METTL5: variants seen among roughly 807,000 people sequenced by gnomAD.
METTL5 encodes the protein rRNA N(6)-adenosine-methyltransferase METTL5.
METTL5 carries 28 observed loss-of-function variants against 26.5 expected under a neutral mutation model. The ratio of observed to expected loss-of-function variants is 1.06; its 90% CI spans 0.78 to 1.45. The LOEUF (loss-of-function observed/expected upper bound fraction) is 1.45, where lower values mean the gene tolerates loss of function less well. Ranked by LOEUF, METTL5 falls within the 40% of genes most tolerant of loss-of-function variation. METTL5 has a pLI of 0.00. For missense variants in METTL5, 231 were observed against 249.9 expected (o/e 0.92, Z 0.51); for synonymous variants, 86 against 82.6 (o/e 1.04, Z -0.22).
At chr2:169,816,982 A>T (rs2081518054) in intron 4 of METTL5, among the ~76,000 whole-genome samples, 1 of 152,220 alleles carries the variant, frequency 6.6e-6, no homozygotes, top group Non-Finnish European at 1.5e-5. Flanking sequence ...AAAAGAAACT[A>T]TCATGAAAGT....
Position 169,824,285 on chromosome 2 carries a change from A to T in METTL5, c.109+204T>A. On this transcript the variant is annotated intron_variant, in intron 1 of 6. Transcript: ENST00000260953. ...GGCAGTGTTAAGGGATATGCAGAAA[A>T]CTAGACAGTAAAATGATAGTGTGTA... The T allele has an allele frequency of 9.3e-6, 5 of 534,780 alleles. No homozygotes were observed. The South Asian group carries it at 1.2e-4, about 13-fold the overall frequency. 33.1% of individuals were successfully genotyped at this position (534,780 alleles called of 1,614,324 possible). A position where few individuals can be genotyped will look rare whatever the true frequency, so the allele number is the denominator to read the frequency against.
chr2:169,814,424 T>C (rs1253403989), intron 5 of METTL5, among the ~76,000 whole-genome samples: 1 of 115,358 alleles, frequency 8.7e-6, no homozygotes, highest in Non-Finnish European at 1.6e-5. Context: ...GAGGTGGAGG[T>C]TGCCACTGCA....
chr2:169,821,144 C>G lies in METTL5; in HGVS notation c.354G>C (p.Lys118Asn). 1 of 1,610,980 alleles carries G rather than the reference C, an allele frequency of 6.2e-7. No homozygotes were observed. The highest frequency in any genetic ancestry group is 8.5e-7 in the Non-Finnish European group (1 of 1,179,066). ...GATTCATAATTACTGTATCGAATGA[C>G]TTGGACATTCTGTTAGATAATAAGC... Reference protein sequence around the residue: ...DVCLLSNRMSKSFDTVIMNPP... With the variant: ...DVCLLSNRMSNSFDTVIMNPP... The change falls in exon 3 of 7, where the codon AAG becomes AAC. Residue 118 changes from lysine (K) to asparagine (N), a missense_variant. Coordinates refer to ENST00000260953, the MANE Select transcript of METTL5 (RefSeq NM_014168.4).
chr2:169,815,573 G>A, intron 4 of METTL5, 45 bp from the exon 5 acceptor site: 1 of 1,440,890 alleles, frequency 6.9e-7, no homozygotes, highest in Admixed American at 2.2e-5. Context: ...TTTAAATAAT[G>A]ATTTTTTAAA....
rs370462850 is a variant in METTL5 at position 169,812,039 on chromosome 2, T to G, written c.592-181A>C. 327 of 696,524 alleles carry G rather than the reference T, an allele frequency of 4.7e-4. 3 individuals are homozygous for G. In the South Asian group the frequency reaches 6.6e-3, roughly 14 times the overall value. 43.1% of individuals were successfully genotyped at this position (696,524 alleles called of 1,614,324 possible). A position where few individuals can be genotyped will look rare whatever the true frequency, so the allele number is the denominator to read the frequency against. On this transcript the variant is annotated intron_variant, in intron 6 of 6. Coordinates refer to ENST00000260953, the MANE Select transcript of METTL5 (RefSeq NM_014168.4). Reference sequence around the variant, plus strand: ...TATTAGTACAAACTAACTAATAAAATATATACTATATGAAAAGAGCAAAAA... The same window carrying G: ...TATTAGTACAAACTAACTAATAAAAGATATACTATATGAAAAGAGCAAAAA...
At chr2:169,821,327 ACAAAAC>A (rs1399263572) in intron 2 of METTL5, 54 bp from the exon 3 acceptor site, 2 of 1,350,050 alleles carry the variant, frequency 1.5e-6, no homozygotes, top group Admixed American at 5.5e-5. Flanking sequence ...CCAAGTAAAA[ACAAAAC>A]CAAAATTAGC....
At chr2:169,815,426 G>C (rs978139931) in intron 5 of METTL5, 51 bp downstream of exon 5, 5 of 1,380,936 alleles carry the variant, frequency 3.6e-6, no homozygotes, top group Non-Finnish European at 5.1e-6. Context: ...AATTTTGGTT[G>C]GGCGAATACA....
At position 169,824,717 on chromosome 2, in the gene METTL5, C is replaced by G; in HGVS notation, c.-120G>C. ...TTCTCCCTTTTTCAGCACCGCTGGC[C>G]GGACCCGAAGACGCGCCCTAAGGAG... On this transcript the variant is annotated 5_prime_UTR_variant, in exon 1 of 7. Coordinates refer to ENST00000260953, the MANE Select transcript of METTL5 (RefSeq NM_014168.4). 1 of 820,992 alleles carries G rather than the reference C, an allele frequency of 1.2e-6. No homozygotes were observed. Among genetic ancestry groups the G allele is most frequent in the Non-Finnish European group, 2.0e-6 (1 of 498,322 alleles). The allele number at this position is 820,992 out of a possible 1,614,324, so 50.9% of individuals were successfully genotyped here.
intron 6 of METTL5, 64 bp downstream of exon 6, chr2:169,812,393 A>G (rs1431962883): frequency 1.2e-6 from 2 of 1,612,858 alleles, no homozygotes; most frequent in Admixed American, 3.3e-5. Flanking sequence ...GGCATGAACC[A>G]CCACATCCGG....
At position 169,824,341 on chromosome 2, in the gene METTL5, T is replaced by A. The variant is rs1266422521; in HGVS notation, c.109+148A>T. 4.7e-6 allele frequency: 3 copies of A among 638,064 alleles called. No individual in the cohort carries two copies. In the East Asian group the frequency reaches 7.9e-5, roughly 17 times the overall value. 39.5% of individuals were successfully genotyped at this position (638,064 alleles called of 1,614,324 possible). On this transcript the variant is annotated intron_variant, in intron 1 of 6. Coordinates refer to ENST00000260953, the MANE Select transcript of METTL5 (RefSeq NM_014168.4). ...GTGGAGGGTGTGCCTTGAGCTGCAGTGTCAAGGAAGGCCTCTCTAACGCGA... is the reference window on the plus strand; with the variant it reads ...GTGGAGGGTGTGCCTTGAGCTGCAGAGTCAAGGAAGGCCTCTCTAACGCGA...
chr2:169,824,287 T>C (rs936401250), intron 1 of METTL5: 1 of 535,890 alleles, frequency 1.9e-6, no homozygotes, highest in South Asian at 2.4e-5. Flanking sequence ...TGCAGAAAAC[T>C]AGACAGTAAA....
chr2:169,815,631 C>T, intron 4 of METTL5, 103 bp from the exon 5 acceptor site: 3 of 780,534 alleles, frequency 3.8e-6, no homozygotes, highest in Non-Finnish European at 6.0e-6. Context: ...CTTAAAATTT[C>T]ATTAGAATCT....
At chr2:169,812,609 T>C in intron 5 of METTL5, 103 bp from the exon 6 acceptor site, 1 of 1,290,346 alleles carries the variant, frequency 7.7e-7, no homozygotes, top group Admixed American at 2.2e-5. Flanking sequence ...TGTTAAGTGC[T>C]GGTAAGCTGA....
In METTL5 at chr2:169,814,527, A is replaced by G. The variant is rs188513300; in HGVS notation, c.541+950T>C. ...GATTATCTAGGAATAATGTGGTGGC[A>G]TTTTCTATGAATGAATTTCAAACCA... On this transcript the variant is annotated intron_variant, in intron 5 of 6. Transcript: ENST00000260953. Among the ~76,000 whole-genome samples, 362 of 150,224 alleles carry G rather than the reference A, an allele frequency of 2.4e-3. 2 individuals are homozygous for G. The highest frequency in any genetic ancestry group is 8.4e-3 in the African/African-American group (343 of 40,978).
chr2:169,815,911 A>G (rs999526206), intron 4 of METTL5, among the ~76,000 whole-genome samples: 1 of 152,200 alleles, frequency 6.6e-6, no homozygotes, highest in Admixed American at 6.5e-5. Flanking sequence ...TGGTGTTTAT[A>G]TATGTTTAGA....
intron 1 of METTL5, among the ~76,000 whole-genome samples, chr2:169,822,954 G>A (rs1050533869): frequency 6.6e-6 from 1 of 152,156 alleles, no homozygotes; most frequent in African/African-American, 2.4e-5. Context: ...AGCAAGGACT[G>A]TTGGCCACTG....
At chr2:169,815,713 A>T (rs2081496728) in intron 4 of METTL5, among the ~76,000 whole-genome samples, 185 bp from the exon 5 acceptor site, 1 of 152,222 alleles carries the variant, frequency 6.6e-6, no homozygotes, top group African/African-American at 2.4e-5. Context: ...TACATTTAAC[A>T]ATCTGAACCA....
chr2:169,822,921 T>C (rs916492273), intron 1 of METTL5, among the ~76,000 whole-genome samples: 1 of 152,174 alleles, frequency 6.6e-6, no homozygotes, highest in Non-Finnish European at 1.5e-5. Context: ...ACCACCGATA[T>C]TTCCCTGAAG....
chr2:169,819,636 A>C lies in METTL5; in HGVS notation c.414T>G (p.Asp138Glu), dbSNP rs762714345. 5 of 1,611,962 alleles carry C rather than the reference A, an allele frequency of 3.1e-6. No homozygotes were observed. The African/African-American group carries it at 6.7e-5, about 22-fold the overall frequency. ...PFGTKNNKGT[D>E]MAFLKTALEM... ...CCAAAGCAGTCTTTAGAAAAGCCATATCTGTCCCTGTGAAGAGTAGAAAAA... is the reference window on the plus strand; with the variant it reads ...CCAAAGCAGTCTTTAGAAAAGCCATCTCTGTCCCTGTGAAGAGTAGAAAAA... Residue 138 changes from aspartate to glutamate, a missense_variant, in exon 4 of 7, where the codon GAT (aspartate) becomes GAG (glutamate). By Grantham distance (45) the Asp-to-Glu change is conservative. Coordinates refer to ENST00000260953, the MANE Select transcript of METTL5 (RefSeq NM_014168.4).
Sources: allele counts gnomAD v4.1 joint callset (sites outside exome capture counted in the v4.1 genomes callset), GRCh38; gene constraint gnomAD v4.1.1; transcripts MANE v1.5; gene names NCBI Gene and HGNC (gene_info 2026-07-23, HGNC 2026-07-21).